ZNF462: variants seen among roughly 807,000 people sequenced by gnomAD.
The protein encoded by ZNF462 is zinc finger PBX1-interacting protein.
A neutral mutation model predicts 201.9 loss-of-function variants in ZNF462; 10 were observed. That is an observed-to-expected ratio of 0.05 (90% CI 0.03 to 0.08). The LOEUF is 0.08. Among genes scored for constraint, ZNF462 ranks in the 10% least tolerant of loss-of-function variants. The pLI, the probability that ZNF462 is intolerant of heterozygous loss-of-function variation, is 1.00. For missense variants in ZNF462, 2,523 were observed against 3,168.3 expected (o/e 0.80, Z 4.89); for synonymous variants, 1,227 against 1,193.3 (o/e 1.03, Z -0.58).
intron 1 of ZNF462, among the ~76,000 whole-genome samples, chr9:106,921,372 G>T (rs993896549): frequency 9.9e-5 from 15 of 152,212 alleles, no homozygotes; most frequent in Non-Finnish European, 2.2e-4. Context: ...TTAATTCTTT[G>T]TTGGGAAGAG....
intron 7 of ZNF462, among the ~76,000 whole-genome samples, chr9:106,943,528 A>C (rs1218804458): frequency 1.3e-5 from 2 of 151,934 alleles, no homozygotes; most frequent in Non-Finnish European, 2.9e-5. Flanking sequence ...ACTTCTACTC[A>C]CTTTCAGTAA....
Position 107,012,734 on chromosome 9 carries a change from T to TTTTTGGG in ZNF462, c.*1704_*1705insTTTTGGG, listed in dbSNP as rs1829994306. 1 of 75,306 alleles carries TTTTTGGG rather than the reference T, an allele frequency of 1.3e-5. No homozygotes were observed. The allele number at this position is 75,306 out of a possible 1,614,324, so 4.7% of individuals were successfully genotyped here. A position where few individuals can be genotyped will look rare whatever the true frequency, so the allele number is the denominator to read the frequency against. On this transcript the variant is annotated 3_prime_UTR_variant, in exon 13 of 13. Transcript: ENST00000277225. ...ATGTTTTTTTTTTTTTTTTTTTACT[T>TTTTTGGG]GGAAGGGTTGTGGGAGGGTGGGAGG...
intron 10 of ZNF462, among the ~76,000 whole-genome samples, chr9:107,002,457 G>A (rs1268983179): frequency 9.2e-5 from 14 of 152,156 alleles, no homozygotes; most frequent in East Asian, 3.9e-4. Flanking sequence ...TCTGAAAATC[G>A]ATTCATGATG....
In ZNF462 at chr9:106,972,001, AC is replaced by A; in HGVS notation, c.6428-3del. 1 of 1,612,488 alleles carries A rather than the reference AC, an allele frequency of 6.2e-7. No individual in the cohort carries two copies. ...CCCGTGTCATTTTTCCCGTCTCTTC[AC>A]AGACTCATCATATTCAGAGCCCCCA... is the stretch of plus-strand genomic sequence containing the variant. On this transcript the variant is annotated splice_region_variant and splice_polypyrimidine_tract_variant and intron_variant, in intron 7 of 12. Transcript: ENST00000277225. The surrounding 1 kb of genome is among the most constrained non-coding windows in gnomAD (Gnocchi z 4.8).
intron 1 of ZNF462, among the ~76,000 whole-genome samples, chr9:106,896,915 AACACCAAAGTGATC>A (rs1490130933): frequency 2.0e-5 from 3 of 152,192 alleles, no homozygotes; most frequent in African/African-American, 4.8e-5. Flanking sequence ...TAAGTATTTA[AACACCAAAGTGATC>A]ACACACCCAC....
In ZNF462 at chr9:106,991,000, G is replaced by T. The variant is rs4743042; in HGVS notation, c.7056+6591G>T. Among the ~76,000 whole-genome samples the T allele has an allele frequency of 7.8e-4, 118 of 151,972 alleles. 2 individuals are homozygous for T. The East Asian group carries it at 8.1e-3, about 10-fold the overall frequency. ...TCAGGGTTCATGAGAGAGGAATAGG[G>T]GTATCAGTGTACAATGTACTGAACA... On this transcript the variant is annotated intron_variant, in intron 10 of 12. Coordinates refer to ENST00000277225, the MANE Select transcript of ZNF462 (RefSeq NM_021224.6).
rs1268800918 is a variant in ZNF462, at chr9:106,899,410, G to A, written c.-30-23944G>A. Among the ~76,000 whole-genome samples the A allele has an allele frequency of 2.0e-5, 3 of 152,178 alleles. No homozygotes were observed. The East Asian group carries it at 5.8e-4, about 29-fold the overall frequency. On this transcript the variant is annotated intron_variant, in intron 1 of 12. Transcript: ENST00000277225. ...AGTGAGGACTGACTCAAGAGCTCAAGTTAAGGAATCAGCCTTAGATGATGG... is the reference window on the plus strand; with the variant it reads ...AGTGAGGACTGACTCAAGAGCTCAAATTAAGGAATCAGCCTTAGATGATGG...
In ZNF462 at chr9:106,924,760, C is replaced by T. The variant is rs776479628; in HGVS notation, c.848C>T (p.Thr283Ile). The change falls in exon 3 of 13, where the codon ACT becomes ATT. Residue 283 changes from threonine to isoleucine, a missense_variant. Thr to Ile is a moderately conservative substitution (Grantham distance 89). This residue lies in a region of ZNF462 where 480 missense variants were observed against 544.4 expected (regional missense o/e 0.88). Transcript: ENST00000277225. The surrounding 1 kb of genome is among the most constrained non-coding windows in gnomAD (Gnocchi z 6.2). ...LSSLRQQQEG[T>I]NLPDVPNKSA... ...AGTCTCAGACAGCAACAAGAAGGAA[C>T]TAATCTACCTGATGTGCCGAACAAG... 4 of 1,614,144 alleles carry T rather than the reference C, an allele frequency of 2.5e-6. No individual in the cohort carries two copies. In the South Asian group the frequency reaches 3.3e-5, roughly 13 times the overall value.
rs961413876 is a variant in ZNF462 at position 106,964,184 on chromosome 9, C to T, written c.6428-7821C>T. On this transcript the variant is annotated intron_variant, in intron 7 of 12. Coordinates refer to ENST00000277225, the MANE Select transcript of ZNF462 (RefSeq NM_021224.6). ...AATTTCAGTTCTTTTGGATAAATAT[C>T]CAGTAGTGGGATTGCTTGATCATAC... Among the ~76,000 whole-genome samples, 6 of 152,056 alleles carry T rather than the reference C, an allele frequency of 3.9e-5. No homozygotes were observed. In the South Asian group the frequency reaches 1.2e-3, roughly 32 times the overall value.
intron 1 of ZNF462, among the ~76,000 whole-genome samples, chr9:106,879,542 G>C (rs924654183): frequency 6.6e-6 from 1 of 152,080 alleles, no homozygotes; most frequent in Non-Finnish European, 1.5e-5. Context: ...CTGGGAGGAG[G>C]AGAAAGGGCT....
intron 1 of ZNF462, among the ~76,000 whole-genome samples, chr9:106,898,471 T>C (rs1228122767): frequency 6.6e-6 from 1 of 152,142 alleles, no homozygotes; most frequent in Admixed American, 6.6e-5. Flanking sequence ...GTTGAAGCAC[T>C]GTTGGTTGTC....
In ZNF462 at chr9:106,981,414, G is replaced by A. The variant is rs975474524; in HGVS notation, c.6833-2772G>A. Among the ~76,000 whole-genome samples, 6 of 152,174 alleles carry A rather than the reference G, an allele frequency of 3.9e-5. No individual in the cohort carries two copies. Among genetic ancestry groups the A allele is most frequent in the Admixed American group, 3.3e-4 (5 of 15,268 alleles). On this transcript the variant is annotated intron_variant, in intron 9 of 12. Coordinates refer to ENST00000277225, the MANE Select transcript of ZNF462 (RefSeq NM_021224.6). The surrounding 1 kb of genome is among the most constrained non-coding windows in gnomAD (Gnocchi z 4.0). ...GAGATCAGAAGACCTGTGTTCCCAGGTCACAGCTTTGTGCTGAACCAGAGG... is the reference window on the plus strand; with the variant it reads ...GAGATCAGAAGACCTGTGTTCCCAGATCACAGCTTTGTGCTGAACCAGAGG...
rs1830321269 is a variant in ZNF462 at position 106,929,131 on chromosome 9, C to T, written c.5219C>T (p.Pro1740Leu). The T allele has an allele frequency of 6.2e-7, 1 of 1,613,956 alleles. No homozygotes were observed. Among genetic ancestry groups the T allele is most frequent in the Non-Finnish European group, 8.5e-7 (1 of 1,180,016 alleles). Reference sequence around the variant, plus strand: ...GCCTCCAGGACCATCAGCGACAAGCCCAACAAAGTGATCATCCCATCCCCG... The same window carrying T: ...GCCTCCAGGACCATCAGCGACAAGCTCAACAAAGTGATCATCCCATCCCCG... Reference protein sequence around the residue: ...LAASRTISDKPNKVIIPSPPK... With the variant: ...LAASRTISDKLNKVIIPSPPK... Residue 1740 changes from proline (P) to leucine (L), a missense_variant, in exon 3 of 13, where the codon CCC (proline) becomes CTC (leucine). Coordinates refer to ENST00000277225, the MANE Select transcript of ZNF462 (RefSeq NM_021224.6). The surrounding 1 kb of genome is among the most constrained non-coding windows in gnomAD (Gnocchi z 8.7).
rs769293080 is a variant in ZNF462, at chr9:106,970,315, A to T, written c.6428-1690A>T. 6.6e-6 allele frequency among the ~76,000 whole-genome samples: 1 copy of T among 152,022 alleles called. No homozygotes were observed. Among genetic ancestry groups the T allele is most frequent in the East Asian group, 1.9e-4 (1 of 5,176 alleles). ...ACAATTTCCAAAGGGGTTTTTCTCA[A>T]TCTTGAGGAATATGAATTGAGGAGG... On this transcript the variant is annotated intron_variant, in intron 7 of 12. Coordinates refer to ENST00000277225, the MANE Select transcript of ZNF462 (RefSeq NM_021224.6). The surrounding 1 kb of genome is among the most constrained non-coding windows in gnomAD (Gnocchi z 4.2).
At position 106,924,757 on chromosome 9, in the gene ZNF462, G is replaced by A; in HGVS notation, c.845G>A (p.Gly282Glu). The A allele has an allele frequency of 4.3e-6, 7 of 1,613,994 alleles. No homozygotes were observed. The highest frequency in any genetic ancestry group is 5.1e-6 in the Non-Finnish European group (6 of 1,180,010). The change falls in exon 3 of 13, where the codon GGA becomes GAA. Residue 282 changes from glycine (G) to glutamate (E), a missense_variant. Transcript: ENST00000277225. The surrounding 1 kb of genome is among the most constrained non-coding windows in gnomAD (Gnocchi z 6.2). ...ILSSLRQQQEGTNLPDVPNKS... is the reference protein window; with the variant it reads ...ILSSLRQQQEETNLPDVPNKS... Reference sequence around the variant, plus strand: ...TCCAGTCTCAGACAGCAACAAGAAGGAACTAATCTACCTGATGTGCCGAAC... The same window carrying A: ...TCCAGTCTCAGACAGCAACAAGAAGAAACTAATCTACCTGATGTGCCGAAC...
rs1827285485 is a variant in ZNF462, at chr9:106,865,356, C to T, written c.-31+2001C>T. ...AGTCACCAGGAAATGTGATTTCCTC[C>T]TTGTGAAGATGGTGATGGCCCTAAG... is the stretch of plus-strand genomic sequence containing the variant. On this transcript the variant is annotated intron_variant, in intron 1 of 12. Transcript: ENST00000277225. This position sits in a 1 kb window ranked among gnomAD's most constrained non-coding sequence, Gnocchi z 4.1. Among the ~76,000 whole-genome samples, 1 of 152,052 alleles carries T rather than the reference C, an allele frequency of 6.6e-6. No homozygotes were observed. Among genetic ancestry groups the T allele is most frequent in the African/African-American group, 2.4e-5 (1 of 41,366 alleles).
intron 1 of ZNF462, among the ~76,000 whole-genome samples, chr9:106,892,704 G>GCA (rs10568431): frequency 0.038 from 5,071 of 131,884 alleles, 157 homozygotes; most frequent in African/African-American, 0.11. Context: ...ACACACACAC[G>GCA]CACACACACA....
In ZNF462 at chr9:106,978,861, C is replaced by T; in HGVS notation, c.6832+4588C>T. On this transcript the variant is annotated intron_variant, in intron 9 of 12. Transcript: ENST00000277225. The surrounding 1 kb of genome is among the most constrained non-coding windows in gnomAD (Gnocchi z 4.1). Reference sequence around the variant, plus strand: ...CACAGATTTTGGACCAAGGACCTTGCCTCCTCAGTGATGTGGGATCTCATC... The same window carrying T: ...CACAGATTTTGGACCAAGGACCTTGTCTCCTCAGTGATGTGGGATCTCATC... The T allele has an allele frequency of 4.5e-6, 1 of 222,140 alleles. No individual in the cohort carries two copies. The highest frequency in any genetic ancestry group is 8.7e-6 in the Non-Finnish European group (1 of 114,524). The allele number at this position is 222,140 out of a possible 1,614,324, so 13.8% of individuals were successfully genotyped here. A position where few individuals can be genotyped will look rare whatever the true frequency, so the allele number is the denominator to read the frequency against.
At chr9:106,871,780 G>A (rs753851575) in intron 1 of ZNF462, among the ~76,000 whole-genome samples, 1 of 152,186 alleles carries the variant, frequency 6.6e-6, no homozygotes, top group Non-Finnish European at 1.5e-5. Context: ...GAAAACGAAC[G>A]AAGTAGAGAA....
Sources: allele counts gnomAD v4.1 joint callset (sites outside exome capture counted in the v4.1 genomes callset), GRCh38; gene constraint gnomAD v4.1.1; regional missense constraint gnomAD v4.1.1; non-coding constraint Gnocchi (gnomAD v3.1); transcripts MANE v1.5; gene names NCBI Gene and HGNC (gene_info 2026-07-23, HGNC 2026-07-21).